ADAMTSL1: variants seen among roughly 807,000 people sequenced by gnomAD.
ADAMTSL1 encodes the protein ADAMTS-like protein 1.
ADAMTSL1 carries 126 observed loss-of-function variants against 201.8 expected under a neutral mutation model. That is an observed-to-expected ratio of 0.62 (90% CI 0.54 to 0.72). The LOEUF (loss-of-function observed/expected upper bound fraction) is 0.72, where lower values mean the gene tolerates loss of function less well. Ranked by LOEUF, ADAMTSL1 falls within the 30% of genes least tolerant of loss-of-function variation. The pLI is 0.00. For synonymous variants in ADAMTSL1, 1,121 were observed against 903.4 expected (o/e 1.24, Z -4.32); for missense variants, 2,679 against 2,277.8 (o/e 1.18, Z -3.59).
intron 25 of ADAMTSL1, among the ~76,000 whole-genome samples, chr9:18,890,305 C>A (rs1234026302): frequency 1.3e-5 from 2 of 152,140 alleles, no homozygotes; most frequent in Non-Finnish European, 2.9e-5. Context: ...CATTTGGGTC[C>A]CTTGTGTGGC....
At chr9:18,435,512 G>C (rs1024221756) in intron 2 of ADAMTSL1, among the ~76,000 whole-genome samples, 6 of 152,296 alleles carry the variant, frequency 3.9e-5, no homozygotes, top group African/African-American at 1.4e-4. Context: ...TATAGGAGGG[G>C]TTGGAAGTAG....
intron 16 of ADAMTSL1, 103 bp downstream of exon 16, chr9:18,753,611 G>A: frequency 2.4e-6 from 3 of 1,260,216 alleles, no homozygotes; most frequent in Non-Finnish European, 3.3e-6. Flanking sequence ...TTAAAGGGAT[G>A]TTCAAGATCT....
chr9:18,350,338 G>T (rs1835912216), intron 2 of ADAMTSL1, among the ~76,000 whole-genome samples: 1 of 151,918 alleles, frequency 6.6e-6, no homozygotes, highest in African/African-American at 2.4e-5. Context: ...GGGCAGGGGG[G>T]AAAAAGAGGT....
At position 18,095,800 on chromosome 9, in the gene ADAMTSL1, A is replaced by G. The variant is rs1382347334; in HGVS notation, c.88-68062A>G. On this transcript the variant is annotated intron_variant, in intron 1 of 29. Transcript: ENST00000680146. ...TGCATAATTCTTGCTCCAGTCCTGG[A>G]ATCAGACATTTAAGAAGCCCTGGTT... is the stretch of plus-strand genomic sequence containing the variant. 2.6e-5 allele frequency among the ~76,000 whole-genome samples: 4 copies of G among 152,158 alleles called. No individual in the cohort carries two copies. In the South Asian group the frequency reaches 6.2e-4, roughly 24 times the overall value.
At chr9:18,890,476 C>G in intron 25 of ADAMTSL1, 1 of 455,826 alleles carries the variant, frequency 2.2e-6, no homozygotes, top group Non-Finnish European at 4.4e-6. Context: ...GGATGTGGCT[C>G]AGCTCTCAAA....
intron 1 of ADAMTSL1, among the ~76,000 whole-genome samples, chr9:17,975,633 G>A (rs1818417135): frequency 6.6e-6 from 1 of 152,002 alleles, no homozygotes; most frequent in African/African-American, 2.4e-5. Flanking sequence ...CACAGATATG[G>A]TTTGCAAATG....
At chr9:18,620,146 T>TTCATTCACATCTCAGCTCGC (rs1825949465) in intron 4 of ADAMTSL1, among the ~76,000 whole-genome samples, 1 of 151,946 alleles carries the variant, frequency 6.6e-6, no homozygotes, top group African/African-American at 2.4e-5. Context: ...ACTCTGACTC[T>TTCATTCACATCTCAGCTCGC]TCATTCACAT....
intron 2 of ADAMTSL1, among the ~76,000 whole-genome samples, chr9:18,277,663 C>A (rs927733083): frequency 6.6e-6 from 1 of 152,162 alleles, no homozygotes; most frequent in Non-Finnish European, 1.5e-5. Flanking sequence ...CTATGTGTGA[C>A]TGTAAAGCTA....
At chr9:18,039,293 GA>G in intron 1 of ADAMTSL1, among the ~76,000 whole-genome samples, 1 of 152,028 alleles carries the variant, frequency 6.6e-6, no homozygotes, top group Admixed American at 6.6e-5. Flanking sequence ...TTTTATCTGG[GA>G]AAATGTCATC....
intron 1 of ADAMTSL1, among the ~76,000 whole-genome samples, chr9:18,027,361 T>G (rs1163278665): frequency 6.6e-6 from 1 of 152,008 alleles, no homozygotes; most frequent in Non-Finnish European, 1.5e-5. Flanking sequence ...AACTATAAAC[T>G]TTCATCTTAA....
upstream of ADAMTSL1, among the ~76,000 whole-genome samples, chr9:18,473,476 GT>G (rs1283115938): frequency 9.2e-5 from 14 of 152,142 alleles, no homozygotes; most frequent in South Asian, 2.1e-4. Context: ...AACTTGCTTT[GT>G]TTTTTTCCCC....
intron 1 of ADAMTSL1, among the ~76,000 whole-genome samples, chr9:18,074,469 GTGTTTTCTTTTC>G (rs1823105094): frequency 8.4e-6 from 1 of 119,538 alleles, no homozygotes; most frequent in Non-Finnish European, 1.9e-5. Context: ...TCACCACACT[GTGTTTTCTTTTC>G]TTTTCTTTTC....
chr9:18,710,663 T>TTTC (rs1832517430), intron 14 of ADAMTSL1, among the ~76,000 whole-genome samples: 1 of 113,638 alleles, frequency 8.8e-6, no homozygotes, highest in East Asian at 2.2e-4. Flanking sequence ...GGGCCTAAGT[T>TTTC]TTGTTTTGTT....
rs772896945 is a variant in ADAMTSL1, at chr9:18,775,757, C to T, written c.2412C>T (p.Cys804=). 3 of 1,612,900 alleles carry T rather than the reference C, an allele frequency of 1.9e-6. No individual in the cohort carries two copies. The highest frequency in any genetic ancestry group is 4.5e-5 in the East Asian group (2 of 44,866). ...LSDWTECSTS[C]GEGTQTRSAI... Reference sequence around the variant, plus strand: ...TTCTCCACCAGTGTTCCACAAGCTGCGGGGAAGGCACCCAGACTCGAAGCG... The same window carrying T: ...TTCTCCACCAGTGTTCCACAAGCTGTGGGGAAGGCACCCAGACTCGAAGCG... The change falls in exon 18 of 29, where the codon TGC becomes TGT. Residue 804 remains cysteine, a synonymous_variant. Coordinates refer to ENST00000380548, the MANE Select transcript of ADAMTSL1 (RefSeq NM_001040272.6).
intron 1 of ADAMTSL1, among the ~76,000 whole-genome samples, chr9:17,926,564 A>T (rs999602953): frequency 1.3e-5 from 2 of 152,220 alleles, no homozygotes; most frequent in Non-Finnish European, 2.9e-5. Context: ...GACACAGGAC[A>T]CAATGATTTT....
At chr9:18,161,232 T>A (rs1038126943) in intron 1 of ADAMTSL1, among the ~76,000 whole-genome samples, 5 of 152,030 alleles carry the variant, frequency 3.3e-5, no homozygotes, top group Non-Finnish European at 5.9e-5. Context: ...GTGTTCAGCC[T>A]TTATATTTGA....
intron 1 of ADAMTSL1, among the ~76,000 whole-genome samples, chr9:18,074,302 G>A (rs1038183255): frequency 2.0e-5 from 3 of 152,134 alleles, no homozygotes; most frequent in Admixed American, 2.0e-4. Flanking sequence ...CCATCCAGAT[G>A]TCTGTATGCT....
intron 2 of ADAMTSL1, among the ~76,000 whole-genome samples, chr9:18,442,999 G>A (rs1161754469): frequency 6.6e-6 from 1 of 152,198 alleles, no homozygotes; most frequent in Non-Finnish European, 1.5e-5. Context: ...CAGGACTGGT[G>A]TTAAACTTTG....
chr9:18,771,671 T>C (rs1451347463), intron 17 of ADAMTSL1, among the ~76,000 whole-genome samples: 3 of 149,038 alleles, frequency 2.0e-5, no homozygotes, highest in African/African-American at 7.4e-5. Flanking sequence ...TTCTAGCATA[T>C]AAGCATTTGA....
Sources: allele counts gnomAD v4.1 joint callset (sites outside exome capture counted in the v4.1 genomes callset), GRCh38; gene constraint gnomAD v4.1.1; transcripts MANE v1.5; gene names NCBI Gene and HGNC (gene_info 2026-07-23, HGNC 2026-07-21).